The following ZNF407 variants were observed in gnomAD, a reference collection of about 807,000 sequenced individuals.
ZNF407 encodes the protein zinc finger protein 407.
In ZNF407, 17 loss-of-function variants were observed where a neutral mutation model predicts 131.2. That is an observed-to-expected ratio of 0.13 (90% CI 0.09 to 0.19). ZNF407 has a LOEUF of 0.19. Ranked by LOEUF, ZNF407 falls within the 10% of genes least tolerant of loss-of-function variation. The probability of loss-of-function intolerance (pLI) is 1.00; values close to 1 mark genes in which losing one functional copy is unlikely to be tolerated. For missense variants in ZNF407, 2,681 were observed against 2,830.6 expected (o/e 0.95, Z 1.20); for synonymous variants, 1,156 against 1,062.0 (o/e 1.09, Z -1.72).
intron 8 of ZNF407, among the ~76,000 whole-genome samples, chr18:75,012,286 T>TAGCAGGCTCTGG (rs1568300415): frequency 9.0e-6 from 1 of 111,214 alleles, no homozygotes; most frequent in South Asian, 2.8e-4. Context: ...ACATAGTGTA[T>TAGCAGGCTCTGG]GTACACATAG....
intron 8 of ZNF407, among the ~76,000 whole-genome samples, chr18:74,946,580 A>C (rs747286725): frequency 2.0e-5 from 3 of 152,250 alleles, no homozygotes; most frequent in Non-Finnish European, 2.9e-5. Flanking sequence ...TTTAGTTCAA[A>C]ATCAACAATT....
intron 7 of ZNF407, chr18:74,898,446 A>C (rs770401767): frequency 6.6e-6 from 1 of 152,182 alleles, no homozygotes; most frequent in Non-Finnish European, 1.5e-5. Flanking sequence ...ACAATGTTGC[A>C]CTGTTGCCAG....
Position 74,631,096 on chromosome 18 carries a change from T to C in ZNF407, c.77T>C (p.Leu26Pro). 10 of 1,613,844 alleles carry C rather than the reference T, an allele frequency of 6.2e-6. No homozygotes were observed. Among genetic ancestry groups the C allele is most frequent in the Non-Finnish European group, 8.5e-6 (10 of 1,179,878 alleles). ...INKEAQDLTK[L>P]SSHNEDGGPV... ...AAAGAAGCACAAGACTTGACAAAGCTTTCATCCCATAATGAAGACGGTGGG... is the reference window on the plus strand; with the variant it reads ...AAAGAAGCACAAGACTTGACAAAGCCTTCATCCCATAATGAAGACGGTGGG... The change falls in exon 2 of 9, where the codon CTT (leucine) becomes CCT (proline). Residue 26 changes from leucine to proline, a missense_variant. Coordinates refer to ENST00000299687, the MANE Select transcript of ZNF407 (RefSeq NM_017757.3).
chr18:74,967,727 A>T (rs1194068255), intron 8 of ZNF407, among the ~76,000 whole-genome samples: 1 of 152,258 alleles, frequency 6.6e-6, no homozygotes. Flanking sequence ...AGTGAAAGTC[A>T]TGTTCAAATA....
intron 8 of ZNF407, among the ~76,000 whole-genome samples, chr18:74,921,877 C>CT (rs954329452): frequency 2.0e-5 from 3 of 152,136 alleles, no homozygotes; most frequent in African/African-American, 7.2e-5. Flanking sequence ...CGCAAAATAT[C>CT]TATGTTATAA....
In ZNF407 at chr18:74,873,073, G is replaced by C. The variant is rs551245214; in HGVS notation, c.4878-4124G>C. Among the ~76,000 whole-genome samples, 108 of 151,984 alleles carry C rather than the reference G, an allele frequency of 7.1e-4. 1 individual carries two copies. The highest frequency in any genetic ancestry group is 2.8e-3 in the Admixed American group (42 of 15,220). Reference sequence around the variant, plus strand: ...CACATTATATATTTTGACATAACTTGTCTGATATTTAGACATTCAAAAATA... The same window carrying C: ...CACATTATATATTTTGACATAACTTCTCTGATATTTAGACATTCAAAAATA... On this transcript the variant is annotated intron_variant, in intron 4 of 8. Transcript: ENST00000299687.
intron 1 of ZNF407, among the ~76,000 whole-genome samples, chr18:74,607,022 G>A (rs1248205906): frequency 2.6e-5 from 4 of 152,138 alleles, no homozygotes; most frequent in African/African-American, 4.8e-5. Flanking sequence ...ACCCTATTCC[G>A]ACTCCTCATC....
At chr18:74,906,673 G>T (rs1971599237) in intron 7 of ZNF407, among the ~76,000 whole-genome samples, 1 of 152,028 alleles carries the variant, frequency 6.6e-6, no homozygotes, top group South Asian at 2.1e-4. Flanking sequence ...ATCTCTATAT[G>T]TATAAATGTA....
chr18:75,021,840 A>G (rs895093549), intron 8 of ZNF407, among the ~76,000 whole-genome samples: 2 of 152,070 alleles, frequency 1.3e-5, no homozygotes, highest in Non-Finnish European at 2.9e-5. Flanking sequence ...TAACTGATTA[A>G]TAGATATAAC....
intron 8 of ZNF407, among the ~76,000 whole-genome samples, chr18:75,044,358 TTTTG>T (rs545786267): frequency 6.6e-6 from 1 of 151,878 alleles, no homozygotes; most frequent in African/African-American, 2.4e-5. Context: ...AAAAACAGGT[TTTTG>T]TTTGTTTGTT....
chr18:75,016,668 T>A (rs184807914), intron 8 of ZNF407, among the ~76,000 whole-genome samples: 1 of 152,146 alleles, frequency 6.6e-6, no homozygotes, highest in Non-Finnish European at 1.5e-5. Context: ...CAACTGAATG[T>A]GTTATCATTG....
chr18:74,687,801 G>C (rs1967129778), intron 3 of ZNF407, among the ~76,000 whole-genome samples: 1 of 152,082 alleles, frequency 6.6e-6, no homozygotes, highest in Non-Finnish European at 1.5e-5. Context: ...TCAAAGAAAA[G>C]TGCTAATGTT....
intron 8 of ZNF407, among the ~76,000 whole-genome samples, chr18:74,982,219 T>G (rs191350396): frequency 6.4e-4 from 98 of 152,350 alleles, no homozygotes; most frequent in African/African-American, 2.3e-3. Flanking sequence ...TTTAAAGGTT[T>G]GGAAATTGCC....
At chr18:75,019,165 A>G (rs1020943005) in intron 8 of ZNF407, among the ~76,000 whole-genome samples, 3 of 152,166 alleles carry the variant, frequency 2.0e-5, no homozygotes, top group Admixed American at 2.0e-4. Context: ...ATGGAAGAAA[A>G]TCAGTATGTT....
At position 74,962,579 on chromosome 18, in the gene ZNF407, G is replaced by A. The variant is rs139089997; in HGVS notation, c.5428+41887G>A. 2.9e-3 allele frequency among the ~76,000 whole-genome samples: 449 copies of A among 152,324 alleles called. 2 individuals carry two copies. The highest frequency in any genetic ancestry group is 3.6e-3 in the Non-Finnish European group (245 of 68,028). Reference sequence around the variant, plus strand: ...CTCTTCATTCCTTCCCACATCCTGCGCCTCAGCCCTCTTGAACTACGGGTA... The same window carrying A: ...CTCTTCATTCCTTCCCACATCCTGCACCTCAGCCCTCTTGAACTACGGGTA... On this transcript the variant is annotated intron_variant, in intron 8 of 8. Coordinates refer to ENST00000299687, the MANE Select transcript of ZNF407 (RefSeq NM_017757.3).
intron 3 of ZNF407, among the ~76,000 whole-genome samples, chr18:74,693,934 TA>T (rs1053850978): frequency 6.6e-6 from 1 of 152,218 alleles, no homozygotes; most frequent in Non-Finnish European, 1.5e-5. Context: ...ATCTTTCAGT[TA>T]TTTTTTTAAC....
At chr18:74,726,158 G>T (rs1968153360) in intron 3 of ZNF407, among the ~76,000 whole-genome samples, 1 of 151,886 alleles carries the variant, frequency 6.6e-6, no homozygotes, top group South Asian at 2.1e-4. Context: ...CTTTTATTCA[G>T]CTGTCCCCTT....
intron 4 of ZNF407, among the ~76,000 whole-genome samples, chr18:74,871,050 G>A (rs1018923924): frequency 7.2e-5 from 11 of 152,158 alleles, no homozygotes; most frequent in African/African-American, 2.4e-4. Context: ...TACTGAATTT[G>A]TTGCTGTGGC....
At chr18:74,610,788 A>T (rs997681717) in intron 1 of ZNF407, among the ~76,000 whole-genome samples, 1 of 152,094 alleles carries the variant, frequency 6.6e-6, no homozygotes, top group Non-Finnish European at 1.5e-5. Flanking sequence ...CCCTCACCTC[A>T]GGTGATCCGC....
Sources: allele counts gnomAD v4.1 joint callset (sites outside exome capture counted in the v4.1 genomes callset), GRCh38; gene constraint gnomAD v4.1.1; transcripts MANE v1.5; gene names NCBI Gene and HGNC (gene_info 2026-07-23, HGNC 2026-07-21).